The following SIPA1L1 variants were observed in gnomAD, a reference collection of about 807,000 sequenced individuals.
The protein encoded by SIPA1L1 is signal induced proliferation associated 1 like 1.
Under a neutral mutation model 162.7 loss-of-function variants are expected in SIPA1L1, and 26 were observed. The observed-to-expected ratio is 0.16, with a 90% confidence interval of 0.12 to 0.22. SIPA1L1 has a LOEUF of 0.22. Among genes scored for constraint, SIPA1L1 ranks in the 10% least tolerant of loss-of-function variants. The probability of loss-of-function intolerance (pLI) is 1.00; values close to 1 mark genes in which losing one functional copy is unlikely to be tolerated. For missense variants in SIPA1L1, 1,874 were observed against 2,241.0 expected, an observed-to-expected ratio of 0.84 and a Z score of 3.31; for synonymous variants, 829 against 837.4, an observed-to-expected ratio of 0.99 and a Z score of 0.17.
chr14:71,532,249 G>T (rs1291284468), intron 4 of SIPA1L1, among the ~76,000 whole-genome samples: 1 of 152,102 alleles, frequency 6.6e-6, no homozygotes, highest in Non-Finnish European at 1.5e-5. Flanking sequence ...GCATGTTATA[G>T]TTGGGTTTTA....
chr14:71,729,084 G>GA (rs2084509624), intron 19 of SIPA1L1, among the ~76,000 whole-genome samples: 1 of 152,156 alleles, frequency 6.6e-6, no homozygotes, highest in Non-Finnish European at 1.5e-5. Context: ...TGCCCAGGCT[G>GA]GAGTGCAGTG....
chr14:71,516,370 T>G (rs904020000), intron 3 of SIPA1L1, among the ~76,000 whole-genome samples: 5 of 152,314 alleles, frequency 3.3e-5, no homozygotes, highest in African/African-American at 1.2e-4. Context: ...AGCTGAGTAA[T>G]AAAATAGCAG....
chr14:71,613,807 A>T (rs1324664632), intron 5 of SIPA1L1, among the ~76,000 whole-genome samples: 1 of 152,208 alleles, frequency 6.6e-6, no homozygotes, highest in Non-Finnish European at 1.5e-5. Flanking sequence ...TAGGAAAACA[A>T]ATTTAAAGTG....
At chr14:71,709,848 C>T (rs2150002530) in intron 17 of SIPA1L1, among the ~76,000 whole-genome samples, 184 bp downstream of exon 17, 1 of 152,288 alleles carries the variant, frequency 6.6e-6, no homozygotes, top group Non-Finnish European at 1.5e-5. Flanking sequence ...AATTTTAGTG[C>T]ATTATTTTAA....
intron 4 of SIPA1L1, among the ~76,000 whole-genome samples, chr14:71,581,693 C>G (rs1414940046): frequency 6.6e-6 from 1 of 152,156 alleles, no homozygotes; most frequent in Non-Finnish European, 1.5e-5. Flanking sequence ...TAAAAACACT[C>G]ATTTACTTCT....
At chr14:71,617,956 C>G (rs2039016518) in intron 5 of SIPA1L1, among the ~76,000 whole-genome samples, 1 of 152,174 alleles carries the variant, frequency 6.6e-6, no homozygotes, top group African/African-American at 2.4e-5. Flanking sequence ...TGTATATGCA[C>G]AGTAAATATC....
At chr14:71,605,499 C>A (rs1453063200) in intron 5 of SIPA1L1, among the ~76,000 whole-genome samples, 1 of 152,060 alleles carries the variant, frequency 6.6e-6, no homozygotes, top group Non-Finnish European at 1.5e-5. Flanking sequence ...GTAACAGTTG[C>A]TTCTTGAAGT....
chr14:71,413,251 T>C (rs1432343335), intron 2 of SIPA1L1, among the ~76,000 whole-genome samples: 3 of 152,216 alleles, frequency 2.0e-5, no homozygotes, highest in Non-Finnish European at 2.9e-5. Flanking sequence ...TATTTTGGAA[T>C]AGTGATTCCC....
intron 13 of SIPA1L1, among the ~76,000 whole-genome samples, chr14:71,693,689 T>G (rs2081410880): frequency 6.6e-6 from 1 of 152,014 alleles, no homozygotes; most frequent in Admixed American, 6.5e-5. Context: ...TACATCACCT[T>G]GAATTGTTGT....
intron 16 of SIPA1L1, among the ~76,000 whole-genome samples, chr14:71,707,631 T>C (rs1485257555): frequency 6.6e-6 from 1 of 152,242 alleles, no homozygotes; most frequent in Admixed American, 6.5e-5. Context: ...CATGAATCAG[T>C]ACTTCATTCC....
intron 4 of SIPA1L1, among the ~76,000 whole-genome samples, chr14:71,560,154 ATTG>A (rs2056671096): frequency 6.6e-6 from 1 of 152,234 alleles, no homozygotes; most frequent in Admixed American, 6.5e-5. Context: ...TAAAAATTAA[ATTG>A]TTAAGTATTT....
At chr14:71,668,720 G>C (rs1168021758) in intron 10 of SIPA1L1, among the ~76,000 whole-genome samples, 1 of 152,130 alleles carries the variant, frequency 6.6e-6, no homozygotes, top group African/African-American at 2.4e-5. Flanking sequence ...TAACCCTGCT[G>C]AGTAGAACAT....
chr14:71,692,833 T>C (rs1406764970), intron 13 of SIPA1L1, among the ~76,000 whole-genome samples: 1 of 152,202 alleles, frequency 6.6e-6, no homozygotes, highest in Non-Finnish European at 1.5e-5. Flanking sequence ...CAGGGCCACC[T>C]GTGTATTAGT....
At chr14:71,591,310 G>A (rs2035363501) in intron 5 of SIPA1L1, among the ~76,000 whole-genome samples, 1 of 44,136 alleles carries the variant, frequency 2.3e-5, no homozygotes, top group Non-Finnish European at 3.6e-5. Flanking sequence ...GAAAACTGGA[G>A]CTTAAGTGAT....
intron 4 of SIPA1L1, among the ~76,000 whole-genome samples, chr14:71,554,286 A>G (rs918255784): frequency 6.6e-6 from 1 of 152,180 alleles, no homozygotes; most frequent in Non-Finnish European, 1.5e-5. Flanking sequence ...CTTTTTAAAC[A>G]GTATTACTGC....
chr14:71,497,040 G>A (rs751371833), intron 2 of SIPA1L1, among the ~76,000 whole-genome samples: 7 of 151,938 alleles, frequency 4.6e-5, no homozygotes, highest in Non-Finnish European at 1.0e-4. Context: ...ATGGTGGCGC[G>A]TGTCTGTAAT....
chr14:71,576,334 A>G (rs943257280), intron 4 of SIPA1L1, among the ~76,000 whole-genome samples: 3 of 152,222 alleles, frequency 2.0e-5, no homozygotes, highest in African/African-American at 7.2e-5. Flanking sequence ...AGTAGATAAT[A>G]GCTCTTTAAA....
intron 2 of SIPA1L1, among the ~76,000 whole-genome samples, chr14:71,456,081 C>G (rs961082447): frequency 6.6e-6 from 1 of 152,138 alleles, no homozygotes; most frequent in African/African-American, 2.4e-5. Flanking sequence ...TTTTAATTGG[C>G]AATTTGGTCT....
chr14:71,588,310 G>A lies in SIPA1L1; in HGVS notation c.438G>A (p.Ser146=), dbSNP rs139354774. ...CGCTGAAAAACAAGACAAGACCGTC[G>A]GAGAACATGGACTCCAGATTTCTCA... ...QNTLKNKTRP[S]ENMDSRFLMP... The change falls in exon 5 of 24, where the codon TCG becomes TCA. Residue 146 remains serine, a synonymous_variant. Transcript: ENST00000381232. This position sits in a 1 kb window ranked among gnomAD's most constrained non-coding sequence, Gnocchi z 4.3. The A allele has an allele frequency of 2.9e-5, 46 of 1,613,720 alleles. No homozygotes were observed. Among genetic ancestry groups the A allele is most frequent in the Non-Finnish European group, 3.1e-5 (36 of 1,179,982 alleles).
Sources: allele counts gnomAD v4.1 joint callset (sites outside exome capture counted in the v4.1 genomes callset), GRCh38; gene constraint gnomAD v4.1.1; non-coding constraint Gnocchi (gnomAD v3.1); transcripts MANE v1.5; gene names NCBI Gene and HGNC (gene_info 2026-07-23, HGNC 2026-07-21).